LAMA2: variants seen among roughly 807,000 people sequenced by gnomAD.
LAMA2 encodes laminin subunit alpha-2.
Under a neutral mutation model 364.8 loss-of-function variants are expected in LAMA2, and 269 were observed. That is an observed-to-expected ratio of 0.74 (90% confidence interval 0.67 to 0.82). The LOEUF (loss-of-function observed/expected upper bound fraction) is 0.82, where lower values mean the gene tolerates loss of function less well. Among genes scored for constraint, LAMA2 ranks in the 40% least tolerant of loss-of-function variants. The probability of loss-of-function intolerance (pLI) is 0.00; values close to 1 mark genes in which losing one functional copy is unlikely to be tolerated. For missense variants in LAMA2, 3,807 were observed against 3,873.2 expected (o/e 0.98, Z 0.45); for synonymous variants, 1,379 against 1,370.6 (o/e 1.01, Z -0.14).
intron 29 of LAMA2, 41 bp from the exon 30 acceptor site, chr6:129,342,302 A>G (rs375512959): frequency 6.3e-7 from 1 of 1,586,194 alleles, no homozygotes; most frequent in Non-Finnish European, 8.6e-7. Flanking sequence ...TCTAACTATC[A>G]CTAAATTAAA....
intron 62 of LAMA2, among the ~76,000 whole-genome samples, chr6:129,508,920 A>G (rs1786337361): frequency 6.6e-6 from 1 of 152,032 alleles, no homozygotes; most frequent in Non-Finnish European, 1.5e-5. Context: ...GTTTTGAGGA[A>G]CCTCCAAACT....
In LAMA2 at chr6:129,401,230, A is replaced by G. The variant is rs1357559848; in HGVS notation, c.5452A>G (p.Lys1818Glu). The G allele has an allele frequency of 2.5e-6, 4 of 1,584,774 alleles. No individual in the cohort carries two copies. Among genetic ancestry groups the G allele is most frequent in the South Asian group, 1.1e-5 (1 of 90,332 alleles). Reference protein sequence around the residue: ...QKNMTALEKKKEAVESGKRQI... With the variant: ...QKNMTALEKKEEAVESGKRQI... The stretch of plus-strand genomic sequence containing the variant: ...TGTTCATAATGGTCTACAGAAAAAG[A>G]AGGAGGCTGTTGAAAGCGGCAAACG... Residue 1818 changes from lysine (K) to glutamate (E), a missense_variant, in exon 38 of 65, where the codon AAG (lysine) becomes GAG (glutamate). Around this residue, in one of 3 missense-constraint regions of LAMA2, gnomAD observed 3,333 missense variants for 3,345.7 expected, o/e 1.00. Transcript: ENST00000421865.
At chr6:128,941,686 A>C (rs574700971) in intron 1 of LAMA2, among the ~76,000 whole-genome samples, 5 of 152,208 alleles carry the variant, frequency 3.3e-5, no homozygotes, top group African/African-American at 1.2e-4. Context: ...AATAAAAATA[A>C]TGGAGATGGT....
chr6:129,107,080 C>G (rs748827738), intron 4 of LAMA2, among the ~76,000 whole-genome samples: 3 of 151,898 alleles, frequency 2.0e-5, no homozygotes, highest in Non-Finnish European at 4.4e-5. Context: ...TTCTGTTAAG[C>G]TAGGTAAGGA....
intron 1 of LAMA2, among the ~76,000 whole-genome samples, chr6:128,928,729 A>C (rs1779252672): frequency 6.6e-6 from 1 of 152,236 alleles, no homozygotes; most frequent in Non-Finnish European, 1.5e-5. Context: ...AGAATTTTCT[A>C]ATAACACAAA....
intron 35 of LAMA2, among the ~76,000 whole-genome samples, chr6:129,391,117 G>A (rs1295888297): frequency 6.6e-6 from 1 of 152,114 alleles, no homozygotes; most frequent in African/African-American, 2.4e-5. Flanking sequence ...CCACTGCTAT[G>A]ACTATCTTAT....
rs373866593 is a variant in LAMA2 at position 129,059,857 on chromosome 6, C to A, written c.357C>A (p.Ile119=). The A allele has an allele frequency of 2.5e-6, 4 of 1,601,706 alleles. No individual in the cohort carries two copies. Among genetic ancestry groups the A allele is most frequent in the Admixed American group, 1.7e-5 (1 of 59,998 alleles). The change falls in exon 3 of 65, where the codon ATC becomes ATA. Residue 119 remains isoleucine (I), a synonymous_variant. Coordinates refer to ENST00000421865, the MANE Select transcript of LAMA2 (RefSeq NM_000426.4). ...WWQSPSIKNG[I]EYHYVTITLD... is the part of the protein sequence containing the mutation. ...AGAGTCCCAGTATTAAGAATGGAAT[C>A]GAATACCATTATGTGACAATTACCC...
chr6:129,333,766 T>C (rs1033593972), intron 29 of LAMA2, among the ~76,000 whole-genome samples: 1 of 152,198 alleles, frequency 6.6e-6, no homozygotes, highest in Non-Finnish European at 1.5e-5. Flanking sequence ...CTGGCATTTT[T>C]AGCACAGTTA....
At chr6:129,370,805 A>G (rs1233933509) in intron 34 of LAMA2, among the ~76,000 whole-genome samples, 2 of 152,226 alleles carry the variant, frequency 1.3e-5, no homozygotes, top group African/African-American at 2.4e-5. Flanking sequence ...TGCTAAACTC[A>G]GGGACTTAAG....
rs116565389 is a variant in LAMA2 at position 128,893,925 on chromosome 6, C to T, written c.112+10568C>T. ...AACTGGATTCTCATTTCTGCCTCTG[C>T]GTTCAAATTATTACATGTTATTTTA... On this transcript the variant is annotated intron_variant, in intron 1 of 64. Transcript: ENST00000421865. 4.0e-3 allele frequency among the ~76,000 whole-genome samples: 604 copies of T among 152,000 alleles called. 3 individuals are homozygous for T. Among genetic ancestry groups the T allele is most frequent in the African/African-American group, 0.014 (574 of 41,514 alleles).
chr6:129,354,170 A>G (rs1363936260), intron 32 of LAMA2, among the ~76,000 whole-genome samples: 1 of 152,184 alleles, frequency 6.6e-6, no homozygotes, highest in Non-Finnish European at 1.5e-5. Flanking sequence ...TTGTTTTAGC[A>G]TATTGTTTGA....
In LAMA2 at chr6:129,516,345, TAATAAA is replaced by T; in HGVS notation, c.*4_*9del. 1 of 1,613,822 alleles carries T rather than the reference TAATAAA, an allele frequency of 6.2e-7. No individual in the cohort carries two copies. Among genetic ancestry groups the T allele is most frequent in the Non-Finnish European group, 8.5e-7 (1 of 1,179,858 alleles). ...TCAACCTGTATCATGCCCAGCCAAC[TAATAAA>T]AATAAGTGTAACCCCAGGAAGAGTC... On this transcript the variant is annotated stop_retained_variant and 3_prime_UTR_variant, in exon 65 of 65. Coordinates refer to ENST00000421865, the MANE Select transcript of LAMA2 (RefSeq NM_000426.4).
At chr6:129,054,046 C>G (rs1391061910) in intron 2 of LAMA2, among the ~76,000 whole-genome samples, 2 of 152,050 alleles carry the variant, frequency 1.3e-5, no homozygotes, top group African/African-American at 2.4e-5. Context: ...TTTAACTCAC[C>G]AAATCAGAAA....
intron 17 of LAMA2, among the ~76,000 whole-genome samples, chr6:129,279,335 C>T (rs1788545242): frequency 6.6e-6 from 1 of 152,126 alleles, no homozygotes; most frequent in Admixed American, 6.6e-5. Flanking sequence ...AAGCTAGCAC[C>T]TGAGTTCTCT....
chr6:129,094,628 C>T lies in LAMA2; in HGVS notation c.397-3545C>T, dbSNP rs72988968. Among the ~76,000 whole-genome samples, 427 of 152,206 alleles carry T rather than the reference C, an allele frequency of 2.8e-3. 1 individual carries two copies. Among genetic ancestry groups the T allele is most frequent in the Admixed American group, 4.8e-3 (73 of 15,284 alleles). On this transcript the variant is annotated intron_variant, in intron 3 of 64. Coordinates refer to ENST00000421865, the MANE Select transcript of LAMA2 (RefSeq NM_000426.4). ...ATAACCTTAGTGTAGTCTTATTTTT[C>T]TTAGTGGGTACCTGTGATCTCTAAT...
chr6:128,957,362 G>T (rs1024162296), intron 1 of LAMA2, among the ~76,000 whole-genome samples: 2 of 152,148 alleles, frequency 1.3e-5, no homozygotes, highest in African/African-American at 4.8e-5. Flanking sequence ...ATTTCGAGTA[G>T]TCAGTTGGGG....
intron 2 of LAMA2, among the ~76,000 whole-genome samples, chr6:129,055,081 G>A (rs72989122): frequency 0.29 from 44,391 of 150,740 alleles, 7,082 homozygotes; most frequent in African/African-American, 0.42. Flanking sequence ...GTAAAGCAAG[G>A]TGTATATAAG....
intron 17 of LAMA2, among the ~76,000 whole-genome samples, chr6:129,278,701 A>G (rs529584360): frequency 6.6e-6 from 1 of 152,244 alleles, no homozygotes; most frequent in African/African-American, 2.4e-5. Flanking sequence ...GAACTCCTTA[A>G]TGTGGAATCT....
chr6:128,979,244 A>G (rs922765125), intron 1 of LAMA2, among the ~76,000 whole-genome samples: 1 of 152,228 alleles, frequency 6.6e-6, no homozygotes, highest in African/African-American at 2.4e-5. Flanking sequence ...GAAACAAGCC[A>G]TGACAGTATC....
Sources: allele counts gnomAD v4.1 joint callset (sites outside exome capture counted in the v4.1 genomes callset), GRCh38; gene constraint gnomAD v4.1.1; regional missense constraint gnomAD v4.1.1; transcripts MANE v1.5; gene names NCBI Gene and HGNC (gene_info 2026-07-23, HGNC 2026-07-21).